CNTNAP5: variants seen among roughly 807,000 people sequenced by gnomAD.
CNTNAP5 encodes contactin associated protein family member 5, also known as contactin-associated protein-like 5.
CNTNAP5 carries 72 observed loss-of-function variants against 150.2 expected under a neutral mutation model. The ratio of observed to expected loss-of-function variants is 0.48; its 90% confidence interval spans 0.40 to 0.58. The LOEUF (loss-of-function observed/expected upper bound fraction) is 0.58. Among genes scored for constraint, CNTNAP5 ranks in the 20% least tolerant of loss-of-function variants. The probability of loss-of-function intolerance (pLI) is 0.00; values close to 1 mark genes in which losing one functional copy is unlikely to be tolerated. For missense variants in CNTNAP5, 1,636 were observed against 1,626.2 expected (o/e 1.01, Z -0.10); for synonymous variants, 672 against 619.8 (o/e 1.08, Z -1.25).
intron 7 of CNTNAP5, among the ~76,000 whole-genome samples, chr2:124,495,548 A>G (rs1024711344): frequency 6.6e-6 from 1 of 152,184 alleles, no homozygotes; most frequent in Non-Finnish European, 1.5e-5. Context: ...GCAGGGCACC[A>G]TCTTCTAGCC....
chr2:124,505,008 C>A (rs564043657), intron 8 of CNTNAP5, among the ~76,000 whole-genome samples: 1 of 152,040 alleles, frequency 6.6e-6, no homozygotes, highest in East Asian at 1.9e-4. Context: ...GCCTGGCCAG[C>A]ATTTTTTTTT....
intron 8 of CNTNAP5, 108 bp from the exon 9 acceptor site, chr2:124,524,195 G>A: frequency 9.1e-7 from 1 of 1,098,972 alleles, no homozygotes; most frequent in Middle Eastern, 2.8e-4. Flanking sequence ...TGAGGAGTGG[G>A]TTTGCTCTGA....
intron 13 of CNTNAP5, among the ~76,000 whole-genome samples, chr2:124,717,569 C>T (rs1679969891): frequency 6.6e-6 from 1 of 152,254 alleles, no homozygotes; most frequent in South Asian, 2.1e-4. Context: ...TTTCTAAGCC[C>T]TATTTCTAGA....
At chr2:124,631,271 A>G (rs951737649) in intron 12 of CNTNAP5, among the ~76,000 whole-genome samples, 11 of 152,206 alleles carry the variant, frequency 7.2e-5, no homozygotes, top group African/African-American at 2.7e-4. Context: ...AGCCAAGACA[A>G]TCCTAAGCAA....
chr2:124,760,482 T>C (rs1033611077), intron 14 of CNTNAP5, among the ~76,000 whole-genome samples: 1 of 152,054 alleles, frequency 6.6e-6, no homozygotes, highest in Non-Finnish European at 1.5e-5. Context: ...TCTGCCACTC[T>C]AAATTTGGTG....
intron 1 of CNTNAP5, among the ~76,000 whole-genome samples, chr2:124,171,430 C>T (rs11689768): frequency 6.6e-6 from 1 of 152,016 alleles, no homozygotes; most frequent in African/African-American, 2.4e-5. Flanking sequence ...TTGAGCTGTT[C>T]TCTTGATATG....
chr2:124,846,538 C>A (rs1405632723), intron 19 of CNTNAP5, among the ~76,000 whole-genome samples: 1 of 152,114 alleles, frequency 6.6e-6, no homozygotes, highest in Non-Finnish European at 1.5e-5. Context: ...CCTTGATTAG[C>A]TTAAAAATTG....
In CNTNAP5 at chr2:124,645,434, A is replaced by G. The variant is rs1042577798; in HGVS notation, c.1877-2324A>G. Among the ~76,000 whole-genome samples the G allele has an allele frequency of 2.0e-5, 3 of 152,178 alleles. No homozygotes were observed. In the East Asian group the frequency reaches 5.8e-4, roughly 29 times the overall value. On this transcript the variant is annotated intron_variant, in intron 12 of 23. Transcript: ENST00000682447. Reference sequence around the variant, plus strand: ...TTTTTAAAGATTATCTGAGTGTGATAGTACATACCTGTGGTTCTAGCTACT... The same window carrying G: ...TTTTTAAAGATTATCTGAGTGTGATGGTACATACCTGTGGTTCTAGCTACT...
chr2:124,407,891 G>T (rs961187096), intron 3 of CNTNAP5, among the ~76,000 whole-genome samples: 1 of 152,014 alleles, frequency 6.6e-6, no homozygotes, highest in Non-Finnish European at 1.5e-5. Flanking sequence ...CAAGATGGCC[G>T]AATAGGAACA....
chr2:124,906,788 C>T (rs753641252), intron 22 of CNTNAP5, among the ~76,000 whole-genome samples: 5 of 152,020 alleles, frequency 3.3e-5, no homozygotes, highest in Non-Finnish European at 4.4e-5. Context: ...CAATGTATTG[C>T]CCACTCCTTT....
intron 21 of CNTNAP5, among the ~76,000 whole-genome samples, chr2:124,893,193 TTCTG>T (rs1678235463): frequency 6.6e-6 from 1 of 152,122 alleles, no homozygotes. Flanking sequence ...CTCTGCCACT[TTCTG>T]GCTGCTATTT....
chr2:124,424,855 A>T (rs192422395), intron 4 of CNTNAP5, among the ~76,000 whole-genome samples: 206 of 152,358 alleles, frequency 1.4e-3, no homozygotes, highest in African/African-American at 4.8e-3. Flanking sequence ...AGGTTTAGGA[A>T]ACCAAGTCTT....
chr2:124,444,317 G>A (rs1418029450), intron 5 of CNTNAP5, among the ~76,000 whole-genome samples: 2 of 152,106 alleles, frequency 1.3e-5, no homozygotes, highest in Non-Finnish European at 2.9e-5. Flanking sequence ...TCTGCTGGCC[G>A]GGCGCAGTGG....
At chr2:124,029,526 C>T (rs1345517759) in intron 1 of CNTNAP5, among the ~76,000 whole-genome samples, 1 of 152,000 alleles carries the variant, frequency 6.6e-6, no homozygotes, top group Non-Finnish European at 1.5e-5. Context: ...GTATACCAAA[C>T]CCTGGACTAG....
At chr2:124,085,909 G>A in intron 1 of CNTNAP5, among the ~76,000 whole-genome samples, 1 of 152,044 alleles carries the variant, frequency 6.6e-6, no homozygotes, top group South Asian at 2.1e-4. Flanking sequence ...TTGTTTAGTG[G>A]CCCACAATAT....
chr2:124,070,794 A>G (rs1682285678), intron 1 of CNTNAP5, among the ~76,000 whole-genome samples: 1 of 152,012 alleles, frequency 6.6e-6, no homozygotes, highest in Non-Finnish European at 1.5e-5. Context: ...CAGAACTTCC[A>G]GATAGAAAAT....
intron 19 of CNTNAP5, among the ~76,000 whole-genome samples, chr2:124,810,882 G>A (rs1682201729): frequency 6.6e-6 from 1 of 152,078 alleles, no homozygotes; most frequent in Non-Finnish European, 1.5e-5. Flanking sequence ...GGGAGTGAGG[G>A]ATGCGGCAAA....
At chr2:124,643,668 G>C (rs892264174) in intron 12 of CNTNAP5, among the ~76,000 whole-genome samples, 1 of 152,144 alleles carries the variant, frequency 6.6e-6, no homozygotes, top group Non-Finnish European at 1.5e-5. Context: ...CTAATGCTTA[G>C]AGTCTTTACT....
chr2:124,288,076 T>G (rs1409772107), intron 3 of CNTNAP5, among the ~76,000 whole-genome samples: 1 of 152,110 alleles, frequency 6.6e-6, no homozygotes, highest in Non-Finnish European at 1.5e-5. Flanking sequence ...ACTACAGGCT[T>G]CTGTCACCAT....
Sources: gnomAD v4.1 joint callset for allele counts (sites outside exome capture counted in the v4.1 genomes callset) on GRCh38, gnomAD v4.1.1 for gene constraint, MANE v1.5 for transcripts, NCBI Gene and HGNC (gene_info 2026-07-23, HGNC 2026-07-21) for gene names.